RELT: variants seen among roughly 807,000 people sequenced by gnomAD.
RELT encodes RELT TNF receptor.
RELT carries 37 observed loss-of-function variants against 51.1 expected under a neutral mutation model. The observed-to-expected ratio is 0.72, with a 90% CI of 0.56 to 0.95. The LOEUF is 0.95. RELT is among the 40% of genes least tolerant of loss of function. The pLI, the probability that RELT is intolerant of heterozygous loss-of-function variation, is 0.00. For missense variants in RELT, 535 were observed against 572.6 expected (o/e 0.93, Z 0.67); for synonymous variants, 241 against 235.7 (o/e 1.02, Z -0.21).
chr11:73,380,326 G>A (rs1866031482), intron 1 of RELT, among the ~76,000 whole-genome samples: 1 of 152,212 alleles, frequency 6.6e-6, no homozygotes, highest in Admixed American at 6.5e-5. Flanking sequence ...GTGTGCTGGC[G>A]GGTGGGGGCA....
chr11:73,378,212 T>C (rs1049025218), intron 1 of RELT, among the ~76,000 whole-genome samples: 1 of 152,018 alleles, frequency 6.6e-6, no homozygotes, highest in African/African-American at 2.4e-5. Flanking sequence ...TGAAGGTCTG[T>C]GGGGTTCATG....
intron 2 of RELT, among the ~76,000 whole-genome samples, chr11:73,390,294 T>C (rs956264091): frequency 2.0e-5 from 3 of 152,136 alleles, no homozygotes; most frequent in African/African-American, 7.2e-5. Flanking sequence ...TGTGGCCTTA[T>C]CTGGGGCTTT....
In RELT at chr11:73,395,941, A is replaced by C; in HGVS notation, c.*450A>C. The C allele has an allele frequency of 5.6e-6, 1 of 178,886 alleles. No individual in the cohort carries two copies. The highest frequency in any genetic ancestry group is 1.2e-5 in the Non-Finnish European group (1 of 83,718). 11.1% of individuals were successfully genotyped at this position (178,886 alleles called of 1,614,324 possible). A position where few individuals can be genotyped will look rare whatever the true frequency, so the allele number is the denominator to read the frequency against. On this transcript the variant is annotated 3_prime_UTR_variant, in exon 11 of 11. Transcript: ENST00000064780. The stretch of plus-strand genomic sequence containing the variant: ...CCCCTCCTCTTCCAGCAGGTCTATA[A>C]AGGGAAGGGGTAGCAGAAAGTCCTG...
chr11:73,391,404 T>C, intron 5 of RELT, among the ~76,000 whole-genome samples, 181 bp downstream of exon 5: 1 of 152,174 alleles, frequency 6.6e-6, no homozygotes, highest in East Asian at 1.9e-4. Flanking sequence ...CCCTGGCTGT[T>C]TCTGCCCACC....
At chr11:73,386,755 A>T (rs766623177) in intron 1 of RELT, among the ~76,000 whole-genome samples, 1 of 152,156 alleles carries the variant, frequency 6.6e-6, no homozygotes, top group African/African-American at 2.4e-5. Flanking sequence ...GCAGCTGCAC[A>T]GCTGCTCCCT....
chr11:73,392,779 TGGTGGCCTTGGAGTTACTCAA>T (rs1866240456), intron 6 of RELT: 2 of 1,299,288 alleles, frequency 1.5e-6, no homozygotes, highest in Non-Finnish European at 2.0e-6. Context: ...CAGGGTCGGA[TGGTGGCCTTGGAGTTACTCAA>T]GGTGACCTCT....
chr11:73,388,086 G>A lies in RELT; in HGVS notation c.-25-1026G>A, dbSNP rs895422934. ...CGTCCACTGGCCGGAGGCTTCTCCA[G>A]AGCAGGCCACCGTCTGGGCCTGGGG... is the stretch of plus-strand genomic sequence containing the variant. On this transcript the variant is annotated intron_variant, in intron 1 of 10. Coordinates refer to ENST00000064780, the MANE Select transcript of RELT (RefSeq NM_152222.2). The surrounding 1 kb of genome is among the most constrained non-coding windows in gnomAD (Gnocchi z 4.1). Among the ~76,000 whole-genome samples, 1 of 152,206 alleles carries A rather than the reference G, an allele frequency of 6.6e-6. No homozygotes were observed. Among genetic ancestry groups the A allele is most frequent in the Non-Finnish European group, 1.5e-5 (1 of 68,034 alleles).
At chr11:73,384,088 C>T (rs969619787) in intron 1 of RELT, among the ~76,000 whole-genome samples, 1 of 152,150 alleles carries the variant, frequency 6.6e-6, no homozygotes, top group African/African-American at 2.4e-5. Flanking sequence ...TACCTGCCCT[C>T]CTCCAGGTGG....
In RELT at chr11:73,394,139, T is replaced by A; in HGVS notation, c.707-97T>A. On this transcript the variant is annotated intron_variant, in intron 7 of 10. Transcript: ENST00000064780. This position sits in a 1 kb window ranked among gnomAD's most constrained non-coding sequence, Gnocchi z 4.9. Reference sequence around the variant, plus strand: ...GGCGCACAGCCCAGGCTGGGAGTGGTGGTATGGAGGGTAGGTGGGGGGTTC... The same window carrying A: ...GGCGCACAGCCCAGGCTGGGAGTGGAGGTATGGAGGGTAGGTGGGGGGTTC... The A allele has an allele frequency of 8.7e-7, 1 of 1,145,598 alleles. No individual in the cohort carries two copies. Among genetic ancestry groups the A allele is most frequent in the South Asian group, 1.4e-5 (1 of 73,520 alleles). The allele number at this position is 1,145,598 out of a possible 1,614,324, so 71.0% of individuals were successfully genotyped here.
At position 73,393,822 on chromosome 11, in the gene RELT, C is replaced by T; in HGVS notation, c.626-15C>T. On this transcript the variant is annotated splice_polypyrimidine_tract_variant and intron_variant, in intron 6 of 10. Transcript: ENST00000064780. Reference sequence around the variant, plus strand: ...TCCCCCTCTTCCCCAGGATCAGGGCCCTTCTCTTCCCCAGGAATCAACCCT... The same window carrying T: ...TCCCCCTCTTCCCCAGGATCAGGGCTCTTCTCTTCCCCAGGAATCAACCCT... 1 of 1,613,212 alleles carries T rather than the reference C, an allele frequency of 6.2e-7. No individual in the cohort carries two copies. Among genetic ancestry groups the T allele is most frequent in the Non-Finnish European group, 8.5e-7 (1 of 1,179,236 alleles).
intron 2 of RELT, 74 bp downstream of exon 2, chr11:73,389,255 A>G (rs1041460020): frequency 6.5e-6 from 7 of 1,083,992 alleles, no homozygotes; most frequent in Non-Finnish European, 9.1e-6. Context: ...AAGAGGGTGC[A>G]GACACTCCCG....
chr11:73,390,766 G>C lies in RELT; in HGVS notation c.132G>C (p.Gln44His), dbSNP rs145691248. 6.2e-7 allele frequency: 1 copy of C among 1,609,448 alleles called. No homozygotes were observed. The highest frequency in any genetic ancestry group is 1.3e-5 in the African/African-American group (1 of 74,654). The change falls in exon 4 of 11, where the codon CAG becomes CAC. Residue 44 changes from glutamine to histidine, a missense_variant. Gln to His is a conservative substitution (Grantham distance 24). Transcript: ENST00000064780. ...PGEEPDLDPG[Q>H]GTLCRPCPPG... ...TTTACCTCCCACAGGACCCAGGGCA[G>C]GGCACATTATGCAGGCCCTGCCCCC...
At chr11:73,393,551 C>T (rs945564779) in intron 6 of RELT, 52 of 1,359,738 alleles carry the variant, frequency 3.8e-5, no homozygotes, top group African/African-American at 3.4e-4. Flanking sequence ...GCTGACGCAC[C>T]GCCCCCTCGC....
At chr11:73,391,655 G>C (rs537631147) in intron 5 of RELT, among the ~76,000 whole-genome samples, 3 of 152,256 alleles carry the variant, frequency 2.0e-5, no homozygotes, top group African/African-American at 7.2e-5. Context: ...AATTAGCCGG[G>C]CGTGGTGGTG....
At chr11:73,377,888 A>G (rs1027636862) in intron 1 of RELT, among the ~76,000 whole-genome samples, 3 of 152,058 alleles carry the variant, frequency 2.0e-5, no homozygotes, top group Non-Finnish European at 4.4e-5. Context: ...CAGGGGCTGC[A>G]CTCAGGGGCT....
At chr11:73,393,327 T>C in intron 6 of RELT, 1 of 1,043,044 alleles carries the variant, frequency 9.6e-7, no homozygotes, top group Non-Finnish European at 1.2e-6. Context: ...GGAGCTCTGT[T>C]TGCTGCTGGG....
chr11:73,385,632 G>A (rs1375595220), intron 1 of RELT, among the ~76,000 whole-genome samples: 4 of 152,186 alleles, frequency 2.6e-5, no homozygotes, highest in Non-Finnish European at 5.9e-5. Flanking sequence ...AAACAAGTAA[G>A]CAAACAAATA....
rs1330095309 is a variant in RELT, at chr11:73,390,788, C to A, written c.154C>A (p.Pro52Thr). 1.2e-6 allele frequency: 2 copies of A among 1,610,682 alleles called. No individual in the cohort carries two copies. The highest frequency in any genetic ancestry group is 2.2e-5 in the South Asian group (2 of 90,838). Residue 52 changes from proline to threonine, a missense_variant, in exon 4 of 11, where the codon CCC becomes ACC. Physicochemically the swap from Pro to Thr is conservative, Grantham distance 38. Coordinates refer to ENST00000064780, the MANE Select transcript of RELT (RefSeq NM_152222.2). ...GCAGGGCACATTATGCAGGCCCTGC[C>A]CCCCAGGCACCTTCTCAGCTGCATG... is the stretch of plus-strand genomic sequence containing the variant. ...PGQGTLCRPC[P>T]PGTFSAAWGS...
At chr11:73,391,967 G>C (rs73542938) in intron 5 of RELT, 52,012 of 588,632 alleles carry the variant, frequency 0.088, 2,865 homozygotes, top group Non-Finnish European at 0.11. Context: ...CCCAGCGTGA[G>C]GGGAGGGTGG....
Sources: allele counts gnomAD v4.1 joint callset (sites outside exome capture counted in the v4.1 genomes callset), GRCh38; gene constraint gnomAD v4.1.1; non-coding constraint Gnocchi (gnomAD v3.1); transcripts MANE v1.5; gene names NCBI Gene and HGNC (gene_info 2026-07-23, HGNC 2026-07-21).